The following TMEM108 variants were observed in gnomAD, a reference collection of about 807,000 sequenced individuals.
TMEM108 encodes the protein transmembrane protein 108.
TMEM108 carries 12 observed loss-of-function variants against 35.1 expected under a neutral mutation model. That is an observed-to-expected ratio of 0.34 (90% confidence interval 0.22 to 0.55). The LOEUF (loss-of-function observed/expected upper bound fraction) is 0.55, where lower values mean the gene tolerates loss of function less well. Ranked by LOEUF, TMEM108 falls within the 20% of genes least tolerant of loss-of-function variation. The probability of loss-of-function intolerance (pLI) is 0.89; values close to 1 mark genes in which losing one functional copy is unlikely to be tolerated. For synonymous variants in TMEM108, 287 were observed against 308.6 expected, an observed-to-expected ratio of 0.93 and a Z score of 0.73; for missense variants, 680 against 753.3, an observed-to-expected ratio of 0.90 and a Z score of 1.14.
chr3:133,314,329 A>G (rs1208393556), intron 3 of TMEM108, among the ~76,000 whole-genome samples: 4 of 152,218 alleles, frequency 2.6e-5, no homozygotes, highest in African/African-American at 9.7e-5. Flanking sequence ...AGAGGATGGC[A>G]GCTTTGTTAT....
At chr3:133,270,840 C>T (rs1213303200) in intron 3 of TMEM108, among the ~76,000 whole-genome samples, 1 of 151,846 alleles carries the variant, frequency 6.6e-6, no homozygotes, top group African/African-American at 2.4e-5. Flanking sequence ...CACACACACA[C>T]ACACCCCTAC....
At chr3:133,082,800 C>T (rs2107699272) in intron 2 of TMEM108, among the ~76,000 whole-genome samples, 1 of 152,164 alleles carries the variant, frequency 6.6e-6, no homozygotes, top group East Asian at 1.9e-4. Flanking sequence ...TACAGGCAGG[C>T]ACCACTGTGC....
chr3:133,269,474 A>G (rs1416976904), intron 3 of TMEM108, among the ~76,000 whole-genome samples: 2 of 152,160 alleles, frequency 1.3e-5, no homozygotes, highest in Non-Finnish European at 2.9e-5. Flanking sequence ...TACTTTATGT[A>G]AACTCATCAA....
intron 1 of TMEM108, among the ~76,000 whole-genome samples, chr3:133,039,893 C>T (rs907272839): frequency 6.6e-6 from 1 of 152,132 alleles, no homozygotes; most frequent in Admixed American, 6.5e-5. Context: ...CTAAAACACA[C>T]CCCATGCCTG....
At chr3:133,174,788 C>T (rs760590998) in intron 2 of TMEM108, among the ~76,000 whole-genome samples, 30 of 152,166 alleles carry the variant, frequency 2.0e-4, no homozygotes, top group Non-Finnish European at 3.2e-4. Flanking sequence ...TCCAAAGGAA[C>T]GCAGCTCCTC....
chr3:133,358,614 A>G (rs2072250417), intron 3 of TMEM108, among the ~76,000 whole-genome samples: 1 of 152,196 alleles, frequency 6.6e-6, no homozygotes, highest in South Asian at 2.1e-4. Context: ...AAAGGGGAAT[A>G]GAGGGGAAGG....
chr3:133,305,219 A>G (rs1435716807), intron 3 of TMEM108, among the ~76,000 whole-genome samples: 3 of 151,754 alleles, frequency 2.0e-5, no homozygotes, highest in African/African-American at 4.8e-5. Flanking sequence ...TTGTAGGGAC[A>G]TGGATGAAAT....
At chr3:133,360,008 A>T (rs1185534831) in intron 3 of TMEM108, among the ~76,000 whole-genome samples, 2 of 34,066 alleles carry the variant, frequency 5.9e-5, no homozygotes, top group South Asian at 2.3e-3. Flanking sequence ...CTCAACAGTT[A>T]AAAAAAAAAA....
intron 2 of TMEM108, among the ~76,000 whole-genome samples, chr3:133,191,704 A>G (rs1945500318): frequency 6.6e-6 from 1 of 152,180 alleles, no homozygotes; most frequent in Non-Finnish European, 1.5e-5. Flanking sequence ...CAAGATTCAT[A>G]TGTTATCACT....
At chr3:133,233,086 A>T (rs994129617) in intron 3 of TMEM108, among the ~76,000 whole-genome samples, 2 of 151,408 alleles carry the variant, frequency 1.3e-5, no homozygotes, top group Admixed American at 1.3e-4. Context: ...CATGTGCACA[A>T]TGTGCAGGTT....
intron 2 of TMEM108, among the ~76,000 whole-genome samples, chr3:133,057,459 A>G (rs1196535765): frequency 1.1e-4 from 5 of 43,642 alleles, no homozygotes; most frequent in African/African-American, 2.5e-4. Flanking sequence ...ATATATATAT[A>G]TATATATATA....
chr3:133,271,372 C>G (rs559353925), intron 3 of TMEM108, among the ~76,000 whole-genome samples: 3 of 152,160 alleles, frequency 2.0e-5, no homozygotes, highest in Admixed American at 6.5e-5. Flanking sequence ...AATTTTTTAA[C>G]CTTTTCAATA....
chr3:133,354,439 T>C (rs572954152), intron 3 of TMEM108, among the ~76,000 whole-genome samples: 2 of 152,300 alleles, frequency 1.3e-5, no homozygotes, highest in Non-Finnish European at 2.9e-5. Context: ...ATTGAATCGC[T>C]CAGCCCCATC....
intron 3 of TMEM108, chr3:133,248,530 T>C (rs1946419376): frequency 6.6e-6 from 1 of 152,216 alleles, no homozygotes; most frequent in Non-Finnish European, 1.5e-5. Flanking sequence ...CTCCAGCCTT[T>C]CCCTTGCAGT....
At chr3:133,317,837 G>A (rs2071218819) in intron 3 of TMEM108, among the ~76,000 whole-genome samples, 1 of 152,182 alleles carries the variant, frequency 6.6e-6, no homozygotes, top group African/African-American at 2.4e-5. Context: ...GGAAAGACTA[G>A]TGAACAGGAA....
chr3:133,366,431 G>A (rs758919511), intron 3 of TMEM108, among the ~76,000 whole-genome samples: 48 of 152,326 alleles, frequency 3.2e-4, no homozygotes, highest in African/African-American at 9.9e-4. Context: ...GTGGTGATAA[G>A]AGAACTCAGC....
intron 3 of TMEM108, among the ~76,000 whole-genome samples, chr3:133,315,394 A>G (rs1421305519): frequency 6.6e-6 from 1 of 152,168 alleles, no homozygotes; most frequent in African/African-American, 2.4e-5. Flanking sequence ...AATGACTTTG[A>G]AACACAGAAA....
At chr3:133,139,170 C>A (rs1052610588) in intron 2 of TMEM108, among the ~76,000 whole-genome samples, 7 of 152,242 alleles carry the variant, frequency 4.6e-5, no homozygotes, top group South Asian at 2.1e-4. Context: ...CATTGATGGA[C>A]ATTTGGGTTG....
At chr3:133,225,247 C>T (rs1288657136) in intron 2 of TMEM108, among the ~76,000 whole-genome samples, 4 of 152,024 alleles carry the variant, frequency 2.6e-5, no homozygotes, top group Admixed American at 6.6e-5. Context: ...AGGGTTTCAT[C>T]GTGTTAGCCA....
Sources: gnomAD v4.1 joint callset for allele counts (sites outside exome capture counted in the v4.1 genomes callset) on GRCh38, gnomAD v4.1.1 for gene constraint, MANE v1.5 for transcripts, NCBI Gene and HGNC (gene_info 2026-07-23, HGNC 2026-07-21) for gene names.